Variants in HYAL4 observed in about 807,000 individuals in gnomAD.
HYAL4 encodes the protein hyaluronidase-4.
In HYAL4, 37 loss-of-function variants were observed where a neutral mutation model predicts 35.2. The observed-to-expected ratio is 1.05, with a 90% CI of 0.81 to 1.38. HYAL4 has a LOEUF of 1.38. Among genes scored for constraint, HYAL4 ranks in the 40% most tolerant of loss-of-function variants. HYAL4 has a pLI of 0.00. For missense variants in HYAL4, 572 were observed against 572.4 expected (o/e 1.00, Z 0.01); for synonymous variants, 198 against 203.2 (o/e 0.97, Z 0.22).
intron 2 of HYAL4, among the ~76,000 whole-genome samples, chr7:123,860,617 T>A (rs1406285760): frequency 6.6e-6 from 1 of 152,262 alleles, no homozygotes; most frequent in East Asian, 1.9e-4. Context: ...TACGAGGCCA[T>A]GTCTTATGTG....
the HYAL4 span, among the ~76,000 whole-genome samples, chr7:123,801,451 GAGGCCTTTTCTCTCATGAA>G: frequency 6.6e-5 from 10 of 152,114 alleles, no homozygotes; most frequent in Admixed American, 2.0e-4. Context: ...TAAATTACCT[GAGGCCTTTTCTCTCATGAA>G]AGGCCTTTTC....
At chr7:123,763,894 G>A in the HYAL4 span, among the ~76,000 whole-genome samples, 1 of 152,172 alleles carries the variant, frequency 6.6e-6, no homozygotes, top group Non-Finnish European at 1.5e-5. Context: ...AACAGGCCAC[G>A]CTTTTCTCAC....
the HYAL4 span, among the ~76,000 whole-genome samples, chr7:123,779,020 G>GT: frequency 6.6e-6 from 1 of 151,836 alleles, no homozygotes; most frequent in African/African-American, 2.4e-5. Context: ...TAGCTTTTTT[G>GT]TTTGTTTGTT....
the HYAL4 span, among the ~76,000 whole-genome samples, chr7:123,768,764 C>T: frequency 6.6e-6 from 1 of 152,140 alleles, no homozygotes; most frequent in African/African-American, 2.4e-5. Flanking sequence ...TTTTGAGTTT[C>T]AAGAGGAATT....
chr7:123,813,896 G>T, the HYAL4 span, among the ~76,000 whole-genome samples: 1 of 152,108 alleles, frequency 6.6e-6, no homozygotes, highest in Non-Finnish European at 1.5e-5. Flanking sequence ...AACCAGAATG[G>T]CTAGCAGCTA....
intron 2 of HYAL4, among the ~76,000 whole-genome samples, chr7:123,851,069 T>C (rs951980605): frequency 6.6e-6 from 1 of 152,258 alleles, no homozygotes; most frequent in Non-Finnish European, 1.5e-5. Flanking sequence ...TTATGGTTAA[T>C]GTATGTTGCT....
intron 3 of HYAL4, among the ~76,000 whole-genome samples, chr7:123,873,508 A>T (rs1051270628): frequency 6.6e-6 from 1 of 151,212 alleles, no homozygotes. Context: ...TATTAATATT[A>T]AGTGCCCAAT....
chr7:123,766,700 C>T, the HYAL4 span, among the ~76,000 whole-genome samples: 1 of 152,052 alleles, frequency 6.6e-6, no homozygotes, highest in Non-Finnish European at 1.5e-5. Context: ...CATATAAGTA[C>T]TAAATGAGAA....
rs998420794 is a variant in HYAL4, at chr7:123,869,012, G to A, written c.739G>A (p.Glu247Lys). 3.1e-6 allele frequency: 5 copies of A among 1,613,946 alleles called. No individual in the cohort carries two copies. The highest frequency in any genetic ancestry group is 4.2e-6 in the Non-Finnish European group (5 of 1,179,932). Residue 247 changes from glutamate to lysine, a missense_variant, in exon 3 of 5, where the codon GAG becomes AAG. Transcript: ENST00000223026. ...CPEDEVLRNN[E>K]LSWLWNSSAA... The stretch of plus-strand genomic sequence containing the variant: ...AGAAGACGAAGTCTTGAGGAACAAT[G>A]AGCTCTCTTGGCTCTGGAACAGCAG...
chr7:123,842,145 T>C (rs551842352), upstream of HYAL4, among the ~76,000 whole-genome samples: 1 of 152,196 alleles, frequency 6.6e-6, no homozygotes, highest in Non-Finnish European at 1.5e-5. Flanking sequence ...GTGCTATAAA[T>C]TTCCCTCTAC....
chr7:123,854,393 CTG>C (rs1806381966), intron 2 of HYAL4, among the ~76,000 whole-genome samples: 3 of 152,134 alleles, frequency 2.0e-5, no homozygotes, highest in South Asian at 4.1e-4. Flanking sequence ...ACTGCTTTCA[CTG>C]TGTCCCAGAG....
At chr7:123,799,986 C>T in the HYAL4 span, among the ~76,000 whole-genome samples, 2 of 151,796 alleles carry the variant, frequency 1.3e-5, no homozygotes, top group Non-Finnish European at 2.9e-5. Flanking sequence ...CATGGTGAAA[C>T]CCCGCCTCTA....
At chr7:123,776,047 T>G in the HYAL4 span, among the ~76,000 whole-genome samples, 2 of 152,314 alleles carry the variant, frequency 1.3e-5, no homozygotes, top group East Asian at 3.9e-4. Flanking sequence ...AGGAATTAAT[T>G]TAGACAGTTT....
At chr7:123,821,121 A>C in the HYAL4 span, among the ~76,000 whole-genome samples, 3 of 152,222 alleles carry the variant, frequency 2.0e-5, no homozygotes, top group Non-Finnish European at 2.9e-5. Flanking sequence ...GGGAATGCAG[A>C]CACCTCTTTG....
At chr7:123,838,199 G>A (rs561700816) in intron 1 of HYAL4, among the ~76,000 whole-genome samples, 1 of 148,828 alleles carries the variant, frequency 6.7e-6, no homozygotes, top group Non-Finnish European at 1.5e-5. Flanking sequence ...CCAGACTGTA[G>A]TCTCTGTTGT....
At chr7:123,776,779 G>A in the HYAL4 span, among the ~76,000 whole-genome samples, 2 of 151,982 alleles carry the variant, frequency 1.3e-5, no homozygotes, top group African/African-American at 4.8e-5. Context: ...CTACATTTTG[G>A]GGCAGCACAC....
At chr7:123,803,860 T>C in the HYAL4 span, among the ~76,000 whole-genome samples, 4 of 152,222 alleles carry the variant, frequency 2.6e-5, no homozygotes, top group Non-Finnish European at 5.9e-5. Context: ...CAATTTCAGC[T>C]TGTTGAAATT....
the HYAL4 span, among the ~76,000 whole-genome samples, chr7:123,804,363 T>G: frequency 6.6e-6 from 1 of 152,146 alleles, no homozygotes; most frequent in South Asian, 2.1e-4. Context: ...TCCTCTTCAG[T>G]GTTTATCTTG....
At chr7:123,785,156 C>G in the HYAL4 span, among the ~76,000 whole-genome samples, 1 of 152,186 alleles carries the variant, frequency 6.6e-6, no homozygotes, top group African/African-American at 2.4e-5. The surrounding 1 kb of genome is among the most constrained non-coding windows in gnomAD (Gnocchi z 4.5). Flanking sequence ...CCTCCACTTT[C>G]CAGGCTGCAG....
Sources: allele counts gnomAD v4.1 joint callset (sites outside exome capture counted in the v4.1 genomes callset), GRCh38; gene constraint gnomAD v4.1.1; non-coding constraint Gnocchi (gnomAD v3.1); transcripts MANE v1.5; gene names NCBI Gene and HGNC (gene_info 2026-07-23, HGNC 2026-07-21).